The following UTS2B variants were observed in gnomAD, a reference collection of about 807,000 sequenced individuals.
The protein encoded by UTS2B is urotensin 2B.
In UTS2B, 21 loss-of-function variants were observed where a neutral mutation model predicts 19.2. That is an observed-to-expected ratio of 1.09 (90% CI 0.78 to 1.58). UTS2B has a LOEUF of 1.58. UTS2B is among the 40% of genes most tolerant of loss of function. The pLI, the probability that UTS2B is intolerant of heterozygous loss-of-function variation, is 0.00. For missense variants in UTS2B, 138 were observed against 130.3 expected, an observed-to-expected ratio of 1.06 and a Z score of -0.29; for synonymous variants, 57 against 50.2, an observed-to-expected ratio of 1.14 and a Z score of -0.58.
At chr3:191,271,428 G>T (rs1716092136) in intron 8 of UTS2B, among the ~76,000 whole-genome samples, 1 of 152,122 alleles carries the variant, frequency 6.6e-6, no homozygotes, top group Non-Finnish European at 1.5e-5. Flanking sequence ...CCCAATTAAA[G>T]CCTTCTTCCT....
In UTS2B at chr3:191,275,129, G is replaced by A. The variant is rs545691265; in HGVS notation, c.334+123C>T. On this transcript the variant is annotated intron_variant, in intron 8 of 8. Coordinates refer to ENST00000340524, the MANE Select transcript of UTS2B (RefSeq NM_198152.5). ...TTATTGGAATATATTTTTTTAATAT[G>A]AGCCTTTATATTGGTCACCACCATA... 1.6e-5 allele frequency: 10 copies of A among 632,742 alleles called. No individual in the cohort carries two copies. The South Asian group carries it at 2.6e-4, about 17-fold the overall frequency. The allele number at this position is 632,742 out of a possible 1,614,324, so 39.2% of individuals were successfully genotyped here.
At chr3:191,342,198 G>A in the UTS2B span, among the ~76,000 whole-genome samples, 1 of 152,202 alleles carries the variant, frequency 6.6e-6, no homozygotes, top group African/African-American at 2.4e-5. Context: ...AGAAATGTGT[G>A]TAGAGTTCTG....
At chr3:191,312,877 G>C (rs545340280) in intron 3 of UTS2B, among the ~76,000 whole-genome samples, 4 of 152,208 alleles carry the variant, frequency 2.6e-5, no homozygotes, top group African/African-American at 9.7e-5. Flanking sequence ...TGTGAGGGCA[G>C]CTGGAGTAAA....
intron 3 of UTS2B, among the ~76,000 whole-genome samples, chr3:191,313,891 C>T (rs1422383062): frequency 6.6e-6 from 1 of 151,938 alleles, no homozygotes; most frequent in Non-Finnish European, 1.5e-5. Flanking sequence ...CCACCATGCC[C>T]AACTAATTTT....
intron 4 of UTS2B, among the ~76,000 whole-genome samples, chr3:191,302,188 T>C (rs1717023085): frequency 6.6e-6 from 1 of 152,186 alleles, no homozygotes. Context: ...CATTGTAAGC[T>C]AATTGTAATG....
intron 4 of UTS2B, among the ~76,000 whole-genome samples, chr3:191,286,015 A>G (rs1716535163): frequency 6.6e-6 from 1 of 152,192 alleles, no homozygotes; most frequent in South Asian, 2.1e-4. Context: ...CAAGACAAAA[A>G]CTGTAAAATG....
In UTS2B at chr3:191,273,899, A is replaced by C. The variant is rs184746244; in HGVS notation, c.334+1353T>G. On this transcript the variant is annotated intron_variant, in intron 8 of 8. Coordinates refer to ENST00000340524, the MANE Select transcript of UTS2B (RefSeq NM_198152.5). ...GACTTTTATTTGAAATATATCCAGAATCAGACCAGCCTAACCAACATGGTG... is the reference window on the plus strand; with the variant it reads ...GACTTTTATTTGAAATATATCCAGACTCAGACCAGCCTAACCAACATGGTG... 5.5e-3 allele frequency among the ~76,000 whole-genome samples: 831 copies of C among 152,226 alleles called. 2 individuals carry two copies. Among genetic ancestry groups the C allele is most frequent in the African/African-American group, 0.019 (774 of 41,520 alleles).
chr3:191,269,683 T>C (rs528026501), intron 8 of UTS2B, among the ~76,000 whole-genome samples: 6 of 152,314 alleles, frequency 3.9e-5, no homozygotes, highest in African/African-American at 1.2e-4. Context: ...CTTCTTTTTA[T>C]AGTATGCTTT....
chr3:191,320,966 A>C (rs996007848), intron 2 of UTS2B, among the ~76,000 whole-genome samples: 1 of 152,230 alleles, frequency 6.6e-6, no homozygotes, highest in Non-Finnish European at 1.5e-5. Flanking sequence ...AGGGCCTATA[A>C]GAGATGATTA....
Position 191,328,724 on chromosome 3 carries a change from T to C in UTS2B, c.-664-15A>G, listed in dbSNP as rs567846780. ...GGAGAGGTTGTCTATTTTAGAGAGA[T>C]AGAAATGTCACAATTACAATCCAAT... On this transcript the variant is annotated splice_polypyrimidine_tract_variant and intron_variant, in intron 1 of 8. Transcript: ENST00000340524. 24 of 152,286 alleles carry C rather than the reference T, an allele frequency of 1.6e-4. No individual in the cohort carries two copies. The highest frequency in any genetic ancestry group is 1.5e-3 in the Admixed American group (23 of 15,292). The allele number at this position is 152,286 out of a possible 1,614,324, so 9.4% of individuals were successfully genotyped here.
chr3:191,315,355 C>A (rs1717420298), intron 3 of UTS2B, among the ~76,000 whole-genome samples: 2 of 152,184 alleles, frequency 1.3e-5, no homozygotes, highest in South Asian at 2.1e-4. Flanking sequence ...GGTTCTGTGA[C>A]CCCTGATTTA....
At chr3:191,270,654 A>G (rs1716067672) in intron 8 of UTS2B, among the ~76,000 whole-genome samples, 1 of 152,112 alleles carries the variant, frequency 6.6e-6, no homozygotes, top group African/African-American at 2.4e-5. Context: ...TTCCAGTTCT[A>G]TAGTCATGTT....
At chr3:191,292,929 A>G (rs2108586262) in intron 4 of UTS2B, among the ~76,000 whole-genome samples, 1 of 152,230 alleles carries the variant, frequency 6.6e-6, no homozygotes, top group East Asian at 1.9e-4. Context: ...AAATTCCCCC[A>G]GGAGGCAGAA....
intron 3 of UTS2B, among the ~76,000 whole-genome samples, chr3:191,305,619 T>C (rs1248081111): frequency 6.6e-6 from 1 of 152,136 alleles, no homozygotes; most frequent in Non-Finnish European, 1.5e-5. Flanking sequence ...GGTTATTTAC[T>C]CTGTTGATAG....
intron 4 of UTS2B, among the ~76,000 whole-genome samples, chr3:191,299,623 T>A (rs1716941392): frequency 6.6e-6 from 1 of 152,268 alleles, no homozygotes; most frequent in Admixed American, 6.5e-5. Flanking sequence ...CTGCAGTAGC[T>A]GAGCCCTCAT....
chr3:191,330,899 T>C (rs1280800462), upstream of UTS2B, among the ~76,000 whole-genome samples: 1 of 152,172 alleles, frequency 6.6e-6, no homozygotes, highest in Non-Finnish European at 1.5e-5. Flanking sequence ...AGTTCTGTCT[T>C]ACTGTTCCGG....
intron 2 of UTS2B, among the ~76,000 whole-genome samples, chr3:191,323,804 T>C (rs982360885): frequency 6.6e-5 from 10 of 152,154 alleles, no homozygotes; most frequent in Non-Finnish European, 1.3e-4. Flanking sequence ...TTATAGGTTC[T>C]TGTATAATTG....
At chr3:191,278,258 A>G (rs973215592) in intron 5 of UTS2B, 88 bp from the exon 6 acceptor site, 7 of 657,856 alleles carry the variant, frequency 1.1e-5, no homozygotes, top group Non-Finnish European at 1.5e-5. Flanking sequence ...ATCAATTTGT[A>G]TATTTGACAA....
chr3:191,315,192 T>C (rs139699898), intron 3 of UTS2B, among the ~76,000 whole-genome samples: 20 of 152,248 alleles, frequency 1.3e-4, no homozygotes, highest in African/African-American at 4.8e-4. Context: ...TTTGTATTTT[T>C]AGTAGAGATG....
Sources: allele counts gnomAD v4.1 joint callset (sites outside exome capture counted in the v4.1 genomes callset), GRCh38; gene constraint gnomAD v4.1.1; transcripts MANE v1.5; gene names NCBI Gene and HGNC (gene_info 2026-07-23, HGNC 2026-07-21).